COL5A2: variants seen among roughly 807,000 people sequenced by gnomAD.
The protein encoded by COL5A2 is collagen type V alpha 2 chain.
Under a neutral mutation model 208.2 loss-of-function variants are expected in COL5A2, and 23 were observed. The observed-to-expected ratio is 0.11, with a 90% CI of 0.08 to 0.16. The LOEUF (loss-of-function observed/expected upper bound fraction) is 0.16. Ranked by LOEUF, COL5A2 falls within the 10% of genes least tolerant of loss-of-function variation. The pLI, the probability that COL5A2 is intolerant of heterozygous loss-of-function variation, is 1.00. For synonymous variants in COL5A2, 625 were observed against 628.5 expected, an observed-to-expected ratio of 0.99 and a Z score of 0.08; for missense variants, 1,590 against 1,956.4, an observed-to-expected ratio of 0.81 and a Z score of 3.53.
At chr2:189,101,467 C>T (rs1687044549) in intron 3 of COL5A2, among the ~76,000 whole-genome samples, 1 of 151,960 alleles carries the variant, frequency 6.6e-6, no homozygotes. Flanking sequence ...ATTTTGTTTT[C>T]ATTTTTAAGT....
At chr2:189,205,807 A>AT (rs1162066270) in intron 1 of COL5A2, among the ~76,000 whole-genome samples, 3 of 152,200 alleles carry the variant, frequency 2.0e-5, no homozygotes, top group African/African-American at 4.8e-5. Flanking sequence ...AAAAATAATG[A>AT]TTTTTTATGA....
At chr2:189,351,762 G>C in the COL5A2 span, among the ~76,000 whole-genome samples, 4 of 152,062 alleles carry the variant, frequency 2.6e-5, no homozygotes, top group African/African-American at 9.7e-5. Flanking sequence ...GAAGAAAAAA[G>C]GAAGCAGAAA....
chr2:189,104,276 A>G lies in COL5A2; in HGVS notation c.324T>C (p.Gly108=), dbSNP rs201881801. The stretch of plus-strand genomic sequence containing the variant: ...AAGTAACACTTACCTTTCTTCCTCT[A>G]CCTGTAAAAAGAAAAGAGTAAATGT... ...QTPGGGNTNF[G]RGRKGQKGEP... The change falls in exon 3 of 54, where the codon GGT becomes GGC. Residue 108 remains glycine, a splice_region_variant and synonymous_variant. Transcript: ENST00000374866. 8.0e-6 allele frequency: 12 copies of G among 1,505,324 alleles called. No homozygotes were observed. In the Middle Eastern group the frequency reaches 5.2e-4, roughly 65 times the overall value. The allele number at this position is 1,505,324 out of a possible 1,614,324, so 93.2% of individuals were successfully genotyped here.
chr2:189,135,474 G>C (rs972071506), intron 1 of COL5A2, among the ~76,000 whole-genome samples: 3 of 152,148 alleles, frequency 2.0e-5, no homozygotes, highest in Non-Finnish European at 4.4e-5. Flanking sequence ...AATGATTTCT[G>C]ACAAATCCTA....
chr2:189,285,156 T>C, the COL5A2 span, among the ~76,000 whole-genome samples: 1 of 150,332 alleles, frequency 6.7e-6, no homozygotes, highest in Admixed American at 6.7e-5. Flanking sequence ...GGAAGAAAGA[T>C]AAAAACACAG....
At chr2:189,428,745 C>T in the COL5A2 span, among the ~76,000 whole-genome samples, 4 of 152,214 alleles carry the variant, frequency 2.6e-5, no homozygotes, top group Admixed American at 2.6e-4. Context: ...AGAAGCTGAG[C>T]ATATGCCAGA....
At chr2:189,356,879 C>G in the COL5A2 span, among the ~76,000 whole-genome samples, 1 of 152,164 alleles carries the variant, frequency 6.6e-6, no homozygotes, top group African/African-American at 2.4e-5. Context: ...GATTTATCTA[C>G]CTTTGGTCTT....
At chr2:189,225,240 C>T (rs1442758390) in exon 1 of COL5A2, among the ~76,000 whole-genome samples, 2 of 152,114 alleles carry the variant, frequency 1.3e-5, no homozygotes, top group Non-Finnish European at 2.9e-5. Context: ...ACTCTAGGAT[C>T]CAAAAGCCTA....
chr2:189,243,294 T>A, the COL5A2 span, among the ~76,000 whole-genome samples: 1,000 of 152,260 alleles, frequency 6.6e-3, 12 homozygotes, highest in African/African-American at 0.022. Flanking sequence ...AATCTAACAC[T>A]GAACTATGGA....
chr2:189,066,249 C>T, intron 23 of COL5A2, 141 bp downstream of exon 23: 2 of 834,740 alleles, frequency 2.4e-6, no homozygotes, highest in South Asian at 1.4e-5. Context: ...TTGGCTCTTT[C>T]TATTTGCACA....
At chr2:189,064,446 T>C (rs1686101008) in intron 25 of COL5A2, 111 bp downstream of exon 25, 3 of 751,194 alleles carry the variant, frequency 4.0e-6, no homozygotes, top group South Asian at 1.6e-5. Flanking sequence ...AACAAAGAAA[T>C]GTTCTAAACT....
At chr2:189,368,164 C>T in the COL5A2 span, among the ~76,000 whole-genome samples, 7 of 152,216 alleles carry the variant, frequency 4.6e-5, no homozygotes, top group South Asian at 1.0e-3. Flanking sequence ...TTTTTATAGA[C>T]GAGCAAACTT....
chr2:189,124,713 A>C (rs1687575078), intron 1 of COL5A2, among the ~76,000 whole-genome samples: 1 of 151,648 alleles, frequency 6.6e-6, no homozygotes, highest in African/African-American at 2.4e-5. Flanking sequence ...GTATTTTAAA[A>C]AGTTCTTAAC....
At chr2:189,410,907 ATAAT>A in the COL5A2 span, among the ~76,000 whole-genome samples, 3 of 152,238 alleles carry the variant, frequency 2.0e-5, no homozygotes, top group African/African-American at 7.2e-5. Flanking sequence ...CTTTAAAATT[ATAAT>A]TATTAACTTT....
chr2:189,232,074 G>A, the COL5A2 span, among the ~76,000 whole-genome samples: 1 of 151,722 alleles, frequency 6.6e-6, no homozygotes, highest in Non-Finnish European at 1.5e-5. Flanking sequence ...TTCTGGGCCT[G>A]AGCATAGAAA....
At chr2:189,116,140 A>T (rs1559111637) in intron 1 of COL5A2, among the ~76,000 whole-genome samples, 1 of 152,178 alleles carries the variant, frequency 6.6e-6, no homozygotes, top group Non-Finnish European at 1.5e-5. Flanking sequence ...TCTGACTGTA[A>T]AGGTCCTTGA....
the COL5A2 span, among the ~76,000 whole-genome samples, chr2:189,290,719 C>CACACACAT: frequency 8.5e-6 from 1 of 117,306 alleles, no homozygotes; most frequent in Admixed American, 9.6e-5. Flanking sequence ...TTTGTTAATA[C>CACACACAT]ACACACACAC....
At chr2:189,201,246 A>T (rs1047765679) in intron 1 of COL5A2, among the ~76,000 whole-genome samples, 26 of 152,076 alleles carry the variant, frequency 1.7e-4, no homozygotes, top group African/African-American at 6.3e-4. Context: ...AACCTTCATT[A>T]AAAATGCATA....
the COL5A2 span, among the ~76,000 whole-genome samples, chr2:189,344,447 C>T: frequency 6.6e-6 from 1 of 152,108 alleles, no homozygotes; most frequent in East Asian, 1.9e-4. Context: ...TGTTCAATAG[C>T]AATGAGGCTT....
Sources: allele counts gnomAD v4.1 joint callset (sites outside exome capture counted in the v4.1 genomes callset), GRCh38; gene constraint gnomAD v4.1.1; transcripts MANE v1.5; gene names NCBI Gene and HGNC (gene_info 2026-07-23, HGNC 2026-07-21).